The following PPHLN1 variants were observed in gnomAD, a reference collection of about 807,000 sequenced individuals.
The protein encoded by PPHLN1 is periphilin 1.
PPHLN1 carries 29 observed loss-of-function variants against 51.3 expected under a neutral mutation model. The observed-to-expected ratio is 0.57, with a 90% confidence interval of 0.42 to 0.77. The LOEUF is 0.77. PPHLN1 is among the 30% of genes least tolerant of loss of function. The probability of loss-of-function intolerance (pLI) is 0.00; values close to 1 mark genes in which losing one functional copy is unlikely to be tolerated. For missense variants in PPHLN1, 436 were observed against 438.4 expected (o/e 0.99, Z 0.05); for synonymous variants, 147 against 147.8 (o/e 0.99, Z 0.04).
chr12:42,408,134 C>T (rs998652170), intron 9 of PPHLN1, among the ~76,000 whole-genome samples: 23 of 151,922 alleles, frequency 1.5e-4, no homozygotes, highest in Admixed American at 1.4e-3. Flanking sequence ...CTATTTTGGG[C>T]GGGCTTAACT....
intron 8 of PPHLN1, among the ~76,000 whole-genome samples, chr12:42,398,051 C>G (rs752161324): frequency 2.6e-5 from 4 of 151,534 alleles, no homozygotes; most frequent in African/African-American, 4.9e-5. Context: ...CAATGTGGCT[C>G]TTCTTTGCTA....
intron 1 of PPHLN1, among the ~76,000 whole-genome samples, chr12:42,335,563 T>C (rs2070479012): frequency 6.6e-6 from 1 of 152,118 alleles, no homozygotes; most frequent in South Asian, 2.1e-4. Flanking sequence ...TGTTTTTTGC[T>C]GTAGGAGAAT....
At chr12:42,390,362 A>C (rs996223075) in intron 7 of PPHLN1, among the ~76,000 whole-genome samples, 1 of 152,206 alleles carries the variant, frequency 6.6e-6, no homozygotes, top group Admixed American at 6.5e-5. Context: ...CTTGGTTTTC[A>C]TGTCAGGTAA....
At chr12:42,446,657 A>T (rs371704500), downstream of PPHLN1, 1 of 1,592,278 alleles carries the variant, frequency 6.3e-7, no homozygotes, top group Non-Finnish European at 8.6e-7. Flanking sequence ...ACACATCTGT[A>T]CTCGTCAATC....
chr12:42,330,617 A>G (rs2069566780), intron 1 of PPHLN1, among the ~76,000 whole-genome samples: 1 of 152,222 alleles, frequency 6.6e-6, no homozygotes, highest in African/African-American at 2.4e-5. Context: ...ACCATACAAC[A>G]CATGTTTCTG....
chr12:42,427,848 A>G (rs572161391), intron 9 of PPHLN1, among the ~76,000 whole-genome samples: 1 of 152,340 alleles, frequency 6.6e-6, no homozygotes, highest in East Asian at 1.9e-4. Context: ...GAAGATCTTT[A>G]CAATCTGTAC....
chr12:42,415,592 T>G (rs1301210851), intron 9 of PPHLN1, among the ~76,000 whole-genome samples: 1 of 152,234 alleles, frequency 6.6e-6, no homozygotes, highest in African/African-American at 2.4e-5. Flanking sequence ...CTCGAGGTAA[T>G]GTCTGTCATC....
chr12:42,393,720 A>G, intron 8 of PPHLN1, 31 bp downstream of exon 8: 2 of 1,545,600 alleles, frequency 1.3e-6, no homozygotes, highest in African/African-American at 2.8e-5. Flanking sequence ...TATGTTTCAC[A>G]TCTGAAAGTT....
intron 9 of PPHLN1, among the ~76,000 whole-genome samples, chr12:42,403,001 C>T (rs1409130686): frequency 6.6e-6 from 1 of 152,130 alleles, no homozygotes; most frequent in African/African-American, 2.4e-5. Context: ...GTGAAATGTA[C>T]AGTCTTGAAA....
chr12:42,355,847 TATTTG>T (rs893943452), intron 4 of PPHLN1, among the ~76,000 whole-genome samples: 1 of 152,170 alleles, frequency 6.6e-6, no homozygotes, highest in Non-Finnish European at 1.5e-5. Context: ...GCTTAATTAG[TATTTG>T]ATTTGATAGG....
intron 9 of PPHLN1, among the ~76,000 whole-genome samples, chr12:42,409,972 A>G (rs1468990741): frequency 1.3e-5 from 2 of 152,046 alleles, no homozygotes; most frequent in African/African-American, 2.4e-5. Flanking sequence ...ATGAAGTCCT[A>G]ATTTTATATT....
intron 4 of PPHLN1, among the ~76,000 whole-genome samples, chr12:42,374,253 G>A (rs1314976670): frequency 3.3e-5 from 5 of 152,118 alleles, no homozygotes; most frequent in African/African-American, 1.2e-4. Flanking sequence ...GAAACTATAT[G>A]ACAGTATGTT....
chr12:42,362,386 T>A (rs893828443), intron 4 of PPHLN1, among the ~76,000 whole-genome samples: 1 of 152,190 alleles, frequency 6.6e-6, no homozygotes. Flanking sequence ...GAAGTCCAAT[T>A]TATCTAATTT....
chr12:42,368,021 GC>G (rs1349204235), intron 4 of PPHLN1, among the ~76,000 whole-genome samples: 2 of 152,182 alleles, frequency 1.3e-5, no homozygotes, highest in Non-Finnish European at 2.9e-5. Context: ...ACATGTGTGA[GC>G]TACTGTGCCC....
At chr12:42,409,653 C>T (rs1330419985) in intron 9 of PPHLN1, among the ~76,000 whole-genome samples, 3 of 150,398 alleles carry the variant, frequency 2.0e-5, no homozygotes, top group Non-Finnish European at 4.4e-5. Context: ...TGTATTTCCT[C>T]CCATTGAAAA....
At chr12:42,345,369 G>A (rs73120476) in intron 2 of PPHLN1, among the ~76,000 whole-genome samples, 12,335 of 148,692 alleles carry the variant, frequency 0.083, 543 homozygotes, top group East Asian at 0.15. Context: ...TTATGTGCAA[G>A]TTTTTTTTTT....
chr12:42,416,611 T>C (rs2080410057), intron 9 of PPHLN1, among the ~76,000 whole-genome samples: 3 of 152,224 alleles, frequency 2.0e-5, no homozygotes, highest in South Asian at 4.1e-4. Flanking sequence ...GTTATACTTA[T>C]GAATACAGTT....
intron 9 of PPHLN1, among the ~76,000 whole-genome samples, chr12:42,423,435 C>T (rs11181498): frequency 0.15 from 22,875 of 152,010 alleles, 1,783 homozygotes; most frequent in Admixed American, 0.2. Flanking sequence ...ATGAGTAATA[C>T]CTTTCTTCTG....
rs72020180 is a variant in PPHLN1 at position 42,363,340 on chromosome 12, AT to A, written c.299+8126del. Among the ~76,000 whole-genome samples, 531 of 129,924 alleles carry A rather than the reference AT, an allele frequency of 4.1e-3. 1 individual carries two copies. The highest frequency in any genetic ancestry group is 6.3e-3 in the Non-Finnish European group (350 of 55,360). The allele number at this position is 129,924 out of a possible 152,430, so 85.2% of individuals were successfully genotyped here. A position where few individuals can be genotyped will look rare whatever the true frequency, so the allele number is the denominator to read the frequency against. On this transcript the variant is annotated intron_variant, in intron 4 of 9. Coordinates refer to ENST00000358314, the MANE Select transcript of PPHLN1 (RefSeq NM_201439.2). The stretch of plus-strand genomic sequence containing the variant: ...AATTAATTAATTAATTTAAAAAAAA[AT>A]TTTTTTTGTAGTTTGCCACCACTGG...
Sources: gnomAD v4.1 joint callset for allele counts (sites outside exome capture counted in the v4.1 genomes callset) on GRCh38, gnomAD v4.1.1 for gene constraint, MANE v1.5 for transcripts, NCBI Gene and HGNC (gene_info 2026-07-23, HGNC 2026-07-21) for gene names.